Variants in GRB2 observed in about 807,000 individuals in gnomAD.
GRB2 encodes the protein growth factor receptor bound protein 2, also known as growth factor receptor-bound protein 2.
A neutral mutation model predicts 27.4 loss-of-function variants in GRB2; 2 were observed. The observed-to-expected ratio is 0.07, with a 90% CI of 0.03 to 0.23. The LOEUF (loss-of-function observed/expected upper bound fraction) is 0.23, where lower values mean the gene tolerates loss of function less well. Ranked by LOEUF, GRB2 falls within the 10% of genes least tolerant of loss-of-function variation. GRB2 has a pLI of 1.00. For synonymous variants in GRB2, 94 were observed against 99.6 expected (o/e 0.94, Z 0.33); for missense variants, 102 against 282.4 (o/e 0.36, Z 4.58).
chr17:75,349,437 G>A (rs2078674952), intron 2 of GRB2, among the ~76,000 whole-genome samples: 1 of 151,502 alleles, frequency 6.6e-6, no homozygotes, highest in Admixed American at 6.6e-5. Flanking sequence ...AACCTTCGAG[G>A]ACACATGTAG....
At chr17:75,361,335 A>C (rs1302234309) in intron 2 of GRB2, among the ~76,000 whole-genome samples, 6 of 152,214 alleles carry the variant, frequency 3.9e-5, no homozygotes, top group Non-Finnish European at 7.3e-5. Context: ...ACAGAGTGGC[A>C]AAGATCCAAA....
intron 2 of GRB2, among the ~76,000 whole-genome samples, chr17:75,376,520 C>CAAA (rs1001049290): frequency 4.6e-4 from 57 of 124,508 alleles, no homozygotes; most frequent in Non-Finnish European, 6.4e-4. Context: ...GACTCTGTTT[C>CAAA]AAAAAAAAAA....
At chr17:75,395,511 T>G (rs1345226894) in intron 1 of GRB2, among the ~76,000 whole-genome samples, 1 of 152,310 alleles carries the variant, frequency 6.6e-6, no homozygotes, top group Middle Eastern at 3.4e-3. Context: ...GTCAGAGTAT[T>G]AAAAGGCTTA....
rs376029581 is a variant in GRB2 at position 75,332,927 on chromosome 17, T to C, written c.79-130A>G. ...CTCGAAGTATTATCAGTTATACGGA[T>C]ATAAGACTCCTTTTAACTTCAAACA... On this transcript the variant is annotated intron_variant, in intron 2 of 5. Coordinates refer to ENST00000316804, the MANE Select transcript of GRB2 (RefSeq NM_002086.5). The C allele has an allele frequency of 6.5e-4, 351 of 537,012 alleles. 2 individuals are homozygous for C. In the South Asian group the frequency reaches 8.8e-3, roughly 13 times the overall value. The allele number at this position is 537,012 out of a possible 1,614,324, so 33.3% of individuals were successfully genotyped here. A position where few individuals can be genotyped will look rare whatever the true frequency, so the allele number is the denominator to read the frequency against.
chr17:75,376,215 C>A (rs556800864), intron 2 of GRB2, among the ~76,000 whole-genome samples: 1 of 145,044 alleles, frequency 6.9e-6, no homozygotes, highest in Non-Finnish European at 1.5e-5. Flanking sequence ...TGTCGGCATG[C>A]GCCTATATAG....
chr17:75,357,794 G>C (rs1013414746), intron 2 of GRB2, among the ~76,000 whole-genome samples: 1 of 152,176 alleles, frequency 6.6e-6, no homozygotes, highest in African/African-American at 2.4e-5. Flanking sequence ...GGTGGCAGGC[G>C]CCTGTAATCC....
intron 5 of GRB2, among the ~76,000 whole-genome samples, chr17:75,321,429 G>T (rs12943707): frequency 6.6e-6 from 1 of 151,928 alleles, no homozygotes; most frequent in Non-Finnish European, 1.5e-5. Context: ...TGCCTGCCTC[G>T]GCCTCCCAAA....
At chr17:75,331,335 A>G (rs1026362470) in intron 3 of GRB2, among the ~76,000 whole-genome samples, 2 of 152,206 alleles carry the variant, frequency 1.3e-5, no homozygotes, top group Non-Finnish European at 2.9e-5. Flanking sequence ...CAATTCTTCT[A>G]AAGTTCTTCA....
intron 2 of GRB2, among the ~76,000 whole-genome samples, chr17:75,356,661 C>G (rs371864158): frequency 6.6e-6 from 1 of 152,158 alleles, no homozygotes; most frequent in African/African-American, 2.4e-5. Context: ...CGATTCCGCT[C>G]GTACCACTCT....
At chr17:75,331,972 T>C (rs933606243) in intron 3 of GRB2, among the ~76,000 whole-genome samples, 5 of 152,052 alleles carry the variant, frequency 3.3e-5, no homozygotes, top group African/African-American at 9.7e-5. Context: ...AAGTGGACAA[T>C]GTCCAAGGGC....
chr17:75,320,388 G>C lies in GRB2; in HGVS notation c.634C>G (p.Pro212Ala). The C allele has an allele frequency of 1.2e-6, 2 of 1,613,958 alleles. No homozygotes were observed. ...TGMFPRNYVT[P>A]VNRNV ...GACTCTTAGACGTTCCGGTTCACGG[G>C]GGTGACATAATTGCGGGGAAACATG... is the stretch of plus-strand genomic sequence containing the variant. The change falls in exon 6 of 6, where the codon CCC becomes GCC. Residue 212 changes from proline to alanine, a missense_variant. Physicochemically the swap from Pro to Ala is conservative, Grantham distance 27. Transcript: ENST00000316804. The surrounding 1 kb of genome is among the most constrained non-coding windows in gnomAD (Gnocchi z 4.3).
At chr17:75,391,494 AG>A (rs1359299621) in intron 2 of GRB2, among the ~76,000 whole-genome samples, 1 of 152,318 alleles carries the variant, frequency 6.6e-6, no homozygotes, top group East Asian at 1.9e-4. Context: ...GACAGAAATC[AG>A]GGAAAGTTCT....
chr17:75,330,708 A>C (rs2078534627), intron 3 of GRB2, among the ~76,000 whole-genome samples: 1 of 136,850 alleles, frequency 7.3e-6, no homozygotes, highest in South Asian at 2.4e-4. Flanking sequence ...AACAAAAAAC[A>C]AAAAAAAAAA....
intron 2 of GRB2, among the ~76,000 whole-genome samples, chr17:75,337,857 C>T (rs1418970889): frequency 4.5e-5 from 5 of 112,056 alleles, no homozygotes; most frequent in East Asian, 5.5e-4. Context: ...TGAGCCACTG[C>T]GCCCGGCCTA....
chr17:75,377,597 GAAAAAAAAAAAAAAA>G (rs60003550), intron 2 of GRB2, among the ~76,000 whole-genome samples: 2 of 53,190 alleles, frequency 3.8e-5, no homozygotes, highest in African/African-American at 9.1e-5. Context: ...CCCTGTCTCA[GAAAAAAAAAAAAAAA>G]AAAAAAAAAA....
intron 2 of GRB2, among the ~76,000 whole-genome samples, chr17:75,373,919 G>A (rs921100672): frequency 8.3e-5 from 12 of 144,846 alleles, no homozygotes; most frequent in Admixed American, 7.3e-4. Context: ...TCAGCCTCCC[G>A]AGTAGCTGGG....
At chr17:75,369,719 T>C (rs956983292) in intron 2 of GRB2, among the ~76,000 whole-genome samples, 1 of 137,496 alleles carries the variant, frequency 7.3e-6, no homozygotes, top group Non-Finnish European at 1.6e-5. Context: ...ATTAGCCGGG[T>C]GTGGGGGTGC....
intron 2 of GRB2, among the ~76,000 whole-genome samples, chr17:75,383,009 G>A (rs1484357699): frequency 1.3e-5 from 2 of 151,932 alleles, no homozygotes; most frequent in Admixed American, 6.6e-5. Context: ...GCGCCCAGCC[G>A]GCATCCTTAA....
chr17:75,362,408 A>G (rs2145848724), intron 2 of GRB2, among the ~76,000 whole-genome samples: 1 of 152,320 alleles, frequency 6.6e-6, no homozygotes, highest in African/African-American at 2.4e-5. Flanking sequence ...CCAAATTTCA[A>G]TCCTTTGAGG....
Sources: gnomAD v4.1 joint callset for allele counts (sites outside exome capture counted in the v4.1 genomes callset) on GRCh38, gnomAD v4.1.1 for gene constraint, Gnocchi (gnomAD v3.1) non-coding constraint, MANE v1.5 for transcripts, NCBI Gene and HGNC (gene_info 2026-07-23, HGNC 2026-07-21) for gene names.